Variants in ARB2A observed in about 807,000 individuals in gnomAD.
ARB2A encodes the protein ARB2 cotranscriptional regulator A, also known as cotranscriptional regulator ARB2A.
chr5:93,851,523 T>C, the ARB2A span, among the ~76,000 whole-genome samples: 1 of 152,192 alleles, frequency 6.6e-6, no homozygotes, highest in East Asian at 1.9e-4. Context: ...TACACATGTA[T>C]ACATGTGCCA....
chr5:93,981,269 A>C, the ARB2A span, among the ~76,000 whole-genome samples: 1 of 151,820 alleles, frequency 6.6e-6, no homozygotes, highest in African/African-American at 2.4e-5. Flanking sequence ...GAGTTTCACC[A>C]TGTTGCCCAG....
chr5:93,712,268 A>G, the ARB2A span, among the ~76,000 whole-genome samples: 1 of 152,134 alleles, frequency 6.6e-6, no homozygotes, highest in African/African-American at 2.4e-5. Context: ...AAAACAAAAA[A>G]CCCACCAAGC....
chr5:93,704,503 G>A, the ARB2A span, among the ~76,000 whole-genome samples: 1 of 152,222 alleles, frequency 6.6e-6, no homozygotes, highest in African/African-American at 2.4e-5. Context: ...GGTCAAGGCT[G>A]CAGTGAGACT....
the ARB2A span, among the ~76,000 whole-genome samples, chr5:93,993,114 T>A: frequency 6.6e-6 from 1 of 152,074 alleles, no homozygotes; most frequent in African/African-American, 2.4e-5. Flanking sequence ...CTGAATAAAA[T>A]GTACCTGCCA....
the ARB2A span, among the ~76,000 whole-genome samples, chr5:93,716,972 A>G: frequency 6.6e-6 from 1 of 152,144 alleles, no homozygotes; most frequent in Non-Finnish European, 1.5e-5. Context: ...AGCCATTCAG[A>G]GGCATATTTT....
At chr5:93,784,578 A>G in the ARB2A span, 2 of 994,864 alleles carry the variant, frequency 2.0e-6, no homozygotes, top group South Asian at 3.0e-5. Context: ...CAGAGATAAC[A>G]ATAATATTAT....
the ARB2A span, among the ~76,000 whole-genome samples, chr5:93,668,869 T>C: frequency 1.3e-5 from 2 of 152,154 alleles, no homozygotes; most frequent in East Asian, 3.8e-4. Flanking sequence ...CCAGAGTCAA[T>C]ATATAATGCA....
chr5:93,960,453 G>C, the ARB2A span, among the ~76,000 whole-genome samples: 52 of 152,226 alleles, frequency 3.4e-4, no homozygotes, highest in Admixed American at 2.6e-4. Context: ...TTTTGCAAAT[G>C]TGTTTATTCA....
the ARB2A span, among the ~76,000 whole-genome samples, chr5:93,748,636 A>G: frequency 1.3e-5 from 2 of 152,242 alleles, no homozygotes; most frequent in East Asian, 3.9e-4. Context: ...TATAAAAATG[A>G]CCATACAAGC....
At chr5:93,690,059 C>T in the ARB2A span, among the ~76,000 whole-genome samples, 1 of 152,164 alleles carries the variant, frequency 6.6e-6, no homozygotes, top group Admixed American at 6.5e-5. Flanking sequence ...TCACAACCTG[C>T]AGACCAGGAG....
At chr5:93,971,240 C>T in the ARB2A span, among the ~76,000 whole-genome samples, 3 of 152,096 alleles carry the variant, frequency 2.0e-5, no homozygotes, top group African/African-American at 4.8e-5. Flanking sequence ...CCTCGTGATC[C>T]GCCCGCCTCG....
the ARB2A span, chr5:93,738,037 A>C: frequency 5.5e-6 from 2 of 366,336 alleles, no homozygotes; most frequent in Non-Finnish European, 1.1e-5. Flanking sequence ...AGGACAACCC[A>C]CAGAATGGGA....
chr5:93,620,993 C>G, the ARB2A span: 1 of 1,609,176 alleles, frequency 6.2e-7, no homozygotes, highest in East Asian at 2.3e-5. Flanking sequence ...CCTCTTACAG[C>G]TCTTCGTGCT....
the ARB2A span, among the ~76,000 whole-genome samples, chr5:93,879,494 CAG>C: frequency 1.9e-5 from 2 of 102,788 alleles, no homozygotes; most frequent in Non-Finnish European, 2.3e-5. Flanking sequence ...GGAAAAATGA[CAG>C]GAGTCTAAAA....
At chr5:93,622,883 A>T in the ARB2A span, among the ~76,000 whole-genome samples, 1 of 152,208 alleles carries the variant, frequency 6.6e-6, no homozygotes, top group East Asian at 1.9e-4. Flanking sequence ...GCTTGCATCA[A>T]TAGGTGTTAT....
the ARB2A span, among the ~76,000 whole-genome samples, chr5:94,009,290 A>G: frequency 2.0e-5 from 3 of 152,074 alleles, no homozygotes; most frequent in African/African-American, 7.2e-5. Flanking sequence ...TCAGTCATTC[A>G]TTGTAAAAAG....
the ARB2A span, among the ~76,000 whole-genome samples, chr5:94,035,813 G>A: frequency 1.3e-5 from 2 of 152,022 alleles, no homozygotes; most frequent in Non-Finnish European, 2.9e-5. Context: ...CAATGAGAAC[G>A]TATGGACAGA....
the ARB2A span, among the ~76,000 whole-genome samples, chr5:94,092,649 T>C: frequency 6.6e-6 from 1 of 152,224 alleles, no homozygotes; most frequent in East Asian, 1.9e-4. Context: ...AATATTATAC[T>C]TAGTTCCTCA....
At chr5:93,711,204 T>G in the ARB2A span, among the ~76,000 whole-genome samples, 6 of 150,160 alleles carry the variant, frequency 4.0e-5, no homozygotes, top group African/African-American at 1.5e-4. Flanking sequence ...TTTTTTTTTT[T>G]GTTTTTTTTT....
Sources: gnomAD v4.1 joint callset for allele counts (sites outside exome capture counted in the v4.1 genomes callset) on GRCh38, gnomAD v4.1.1 for gene constraint, MANE v1.5 for transcripts, NCBI Gene and HGNC (gene_info 2026-07-23, HGNC 2026-07-21) for gene names.